The following CTIF variants were observed in gnomAD, a reference collection of about 807,000 sequenced individuals.
The protein encoded by CTIF is cap binding complex dependent translation initiation factor, also known as CBP80/20-dependent translation initiation factor.
In CTIF, 21 loss-of-function variants were observed where a neutral mutation model predicts 66.0. The ratio of observed to expected loss-of-function variants is 0.32; its 90% CI spans 0.23 to 0.46. The LOEUF (loss-of-function observed/expected upper bound fraction) is 0.46. Ranked by LOEUF, CTIF falls within the 20% of genes least tolerant of loss-of-function variation. The pLI is 1.00. For missense variants in CTIF, 739 were observed against 812.7 expected (o/e 0.91, Z 1.10); for synonymous variants, 345 against 326.4 (o/e 1.06, Z -0.62).
intron 6 of CTIF, among the ~76,000 whole-genome samples, chr18:48,708,585 G>T (rs1024801206): frequency 1.3e-5 from 2 of 152,200 alleles, no homozygotes; most frequent in Admixed American, 6.5e-5. Flanking sequence ...GCCCCAGGTG[G>T]CCTTATACAT....
intron 6 of CTIF, among the ~76,000 whole-genome samples, chr18:48,709,829 G>T (rs985476027): frequency 1.3e-5 from 2 of 152,266 alleles, no homozygotes; most frequent in Non-Finnish European, 2.9e-5. Context: ...GAGGCCTATT[G>T]TGGCTGCCTG....
At chr18:48,787,051 G>A (rs1599042214) in intron 9 of CTIF, among the ~76,000 whole-genome samples, 1 of 152,172 alleles carries the variant, frequency 6.6e-6, no homozygotes, top group African/African-American at 2.4e-5. Context: ...CCTGTGGCTG[G>A]GAGTTTGTTT....
At chr18:48,572,954 C>T (rs1212401103) in intron 1 of CTIF, among the ~76,000 whole-genome samples, 1 of 152,076 alleles carries the variant, frequency 6.6e-6, no homozygotes, top group Non-Finnish European at 1.5e-5. Flanking sequence ...GATCATACCA[C>T]TGTACTCCAG....
At chr18:48,832,977 G>A (rs2068726820) in intron 10 of CTIF, among the ~76,000 whole-genome samples, 2 of 152,194 alleles carry the variant, frequency 1.3e-5, no homozygotes, top group South Asian at 4.1e-4. Context: ...TGCCGCTTTT[G>A]GTCTGGACTG....
chr18:48,555,903 G>A (rs149880059), intron 1 of CTIF, among the ~76,000 whole-genome samples: 4 of 152,312 alleles, frequency 2.6e-5, no homozygotes, highest in African/African-American at 9.6e-5. Flanking sequence ...TGTGCTTTCA[G>A]GGAGCCTTCA....
intron 6 of CTIF, among the ~76,000 whole-genome samples, chr18:48,702,550 C>T (rs190130808): frequency 1.1e-3 from 163 of 152,298 alleles, no homozygotes; most frequent in African/African-American, 3.4e-3. Flanking sequence ...CCACAGGGCA[C>T]CAATGTGTGG....
In CTIF at chr18:48,581,270, G is replaced by A. The variant is rs548120329; in HGVS notation, c.-28-38268G>A. Among the ~76,000 whole-genome samples the A allele has an allele frequency of 6.6e-4, 100 of 151,812 alleles. 3 individuals are homozygous for A. The South Asian group carries it at 0.019, about 29-fold the overall frequency. On this transcript the variant is annotated intron_variant, in intron 1 of 11. Transcript: ENST00000256413. ...TTGTTAGATTCCTGAGACGTACCAC[G>A]TCCCAGCATGAATTGTGTAACTTAT...
intron 6 of CTIF, among the ~76,000 whole-genome samples, chr18:48,690,169 G>T (rs566059068): frequency 3.3e-5 from 5 of 151,322 alleles, no homozygotes; most frequent in Admixed American, 6.6e-5. Context: ...ACCCCACCCC[G>T]TCCTTCACCA....
At chr18:48,784,070 T>C (rs1911492685) in intron 9 of CTIF, among the ~76,000 whole-genome samples, 1 of 152,070 alleles carries the variant, frequency 6.6e-6, no homozygotes, top group Admixed American at 6.5e-5. Context: ...GGCAGCGAGA[T>C]GGTGGAAAAA....
chr18:48,790,125 G>A (rs1185401759), intron 9 of CTIF, among the ~76,000 whole-genome samples: 1 of 152,230 alleles, frequency 6.6e-6, no homozygotes, highest in Non-Finnish European at 1.5e-5. Flanking sequence ...TGAGGACAGA[G>A]GTTCCGCCCC....
intron 5 of CTIF, 54 bp from the exon 6 acceptor site, chr18:48,670,615 C>G: frequency 6.7e-7 from 1 of 1,502,114 alleles, no homozygotes; most frequent in East Asian, 2.3e-5. Flanking sequence ...CCGGATGGGA[C>G]AGGAGGCATG....
At chr18:48,839,182 C>T (rs2068881668) in intron 10 of CTIF, among the ~76,000 whole-genome samples, 1 of 152,188 alleles carries the variant, frequency 6.6e-6, no homozygotes, top group South Asian at 2.1e-4. Context: ...CCCACCAGCC[C>T]TCTCACTGGC....
intron 5 of CTIF, 65 bp downstream of exon 5, chr18:48,664,616 C>CCCTGTGGAGG: frequency 2.1e-5 from 29 of 1,397,620 alleles, no homozygotes; most frequent in Non-Finnish European, 2.6e-5. Flanking sequence ...GCCTTTGCCT[C>CCCTGTGGAGG]CACAGGGAGG....
intron 10 of CTIF, among the ~76,000 whole-genome samples, chr18:48,827,612 T>C (rs1439176404): frequency 6.6e-6 from 1 of 152,156 alleles, no homozygotes; most frequent in East Asian, 1.9e-4. Context: ...GCATGAACAG[T>C]TTATTCCAGC....
At chr18:48,559,098 A>G (rs2089090385) in intron 1 of CTIF, among the ~76,000 whole-genome samples, 3 of 152,170 alleles carry the variant, frequency 2.0e-5, no homozygotes, top group Non-Finnish European at 4.4e-5. Context: ...AATCAGGATG[A>G]GTATTTGGAT....
At chr18:48,676,889 ACAC>A (rs2091639142) in intron 6 of CTIF, among the ~76,000 whole-genome samples, 1 of 152,020 alleles carries the variant, frequency 6.6e-6, no homozygotes, top group Non-Finnish European at 1.5e-5. Flanking sequence ...CCATGAAATG[ACAC>A]TCAGGTGTCC....
At chr18:48,639,334 G>A (rs1417891001) in intron 3 of CTIF, among the ~76,000 whole-genome samples, 1 of 152,188 alleles carries the variant, frequency 6.6e-6, no homozygotes, top group Non-Finnish European at 1.5e-5. Context: ...CTCCCGGTGG[G>A]CTTGAAGCCA....
chr18:48,805,276 AATG>A (rs1364911869), intron 9 of CTIF, among the ~76,000 whole-genome samples: 2 of 152,120 alleles, frequency 1.3e-5, no homozygotes, highest in Non-Finnish European at 2.9e-5. Context: ...GCTCCTCCCA[AATG>A]ATGATGACTG....
At chr18:48,712,524 C>A (rs2092236833) in intron 7 of CTIF, among the ~76,000 whole-genome samples, 2 of 152,140 alleles carry the variant, frequency 1.3e-5, no homozygotes, top group Non-Finnish European at 2.9e-5. Flanking sequence ...TAAATTATTT[C>A]TGGATGGAAA....
Sources: allele counts gnomAD v4.1 joint callset (sites outside exome capture counted in the v4.1 genomes callset), GRCh38; gene constraint gnomAD v4.1.1; transcripts MANE v1.5; gene names NCBI Gene and HGNC (gene_info 2026-07-23, HGNC 2026-07-21).